The following KCNB2 variants were observed in gnomAD, a reference collection of about 807,000 sequenced individuals.
The protein encoded by KCNB2 is potassium voltage-gated channel subfamily B member 2.
A neutral mutation model predicts 61.5 loss-of-function variants in KCNB2; 15 were observed. The ratio of observed to expected loss-of-function variants is 0.24; its 90% CI spans 0.16 to 0.38. KCNB2 has a LOEUF of 0.38. Ranked by LOEUF, KCNB2 falls within the 10% of genes least tolerant of loss-of-function variation. The pLI is 1.00. For synonymous variants in KCNB2, 457 were observed against 446.0 expected (o/e 1.02, Z -0.31); for missense variants, 828 against 1,125.2 (o/e 0.74, Z 3.78).
intron 2 of KCNB2, among the ~76,000 whole-genome samples, chr8:72,639,561 C>T (rs1806021465): frequency 6.6e-6 from 1 of 152,086 alleles, no homozygotes; most frequent in South Asian, 2.1e-4. Flanking sequence ...CTGAATTACT[C>T]TCCCGGATAG....
chr8:72,891,246 G>A (rs566921837), intron 2 of KCNB2, among the ~76,000 whole-genome samples: 187 of 152,276 alleles, frequency 1.2e-3, no homozygotes, highest in African/African-American at 4.3e-3. Context: ...TGTAAAGATT[G>A]TGGTCATATA....
At chr8:72,697,596 C>A (rs945689692) in intron 2 of KCNB2, among the ~76,000 whole-genome samples, 1 of 152,066 alleles carries the variant, frequency 6.6e-6, no homozygotes, top group Non-Finnish European at 1.5e-5. Flanking sequence ...TATGATTACA[C>A]CTGTGAATAG....
At chr8:72,890,103 G>T (rs1195809570) in intron 2 of KCNB2, among the ~76,000 whole-genome samples, 1 of 152,136 alleles carries the variant, frequency 6.6e-6, no homozygotes, top group East Asian at 1.9e-4. Context: ...TGGAGAACAT[G>T]TTCTTTAATC....
intron 2 of KCNB2, among the ~76,000 whole-genome samples, chr8:72,895,730 A>G (rs981650119): frequency 3.9e-5 from 6 of 152,328 alleles, no homozygotes; most frequent in African/African-American, 1.2e-4. Flanking sequence ...ATCTTTGTCC[A>G]TAAAACCTGT....
intron 2 of KCNB2, among the ~76,000 whole-genome samples, chr8:72,918,269 A>G (rs1323846104): frequency 1.3e-5 from 2 of 152,212 alleles, no homozygotes; most frequent in Non-Finnish European, 2.9e-5. Context: ...CTAAGTCATC[A>G]TCTGTCTGTG....
At chr8:72,908,003 C>T (rs971867038) in intron 2 of KCNB2, among the ~76,000 whole-genome samples, 1 of 152,158 alleles carries the variant, frequency 6.6e-6, no homozygotes, top group African/African-American at 2.4e-5. Flanking sequence ...TCTTCTGGCA[C>T]ATCCTGAAAA....
intron 1 of KCNB2, among the ~76,000 whole-genome samples, chr8:72,544,313 G>A (rs1207927043): frequency 6.6e-6 from 1 of 152,168 alleles, no homozygotes; most frequent in African/African-American, 2.4e-5. Flanking sequence ...TGTGAAAGGT[G>A]TTTATGCCAT....
Position 72,668,809 on chromosome 8 carries a change from G to A in KCNB2, c.579+100496G>A, listed in dbSNP as rs114436604. The stretch of plus-strand genomic sequence containing the variant: ...TCCCCAACTAGATCTGAAGATCCAT[G>A]AGGACAGGGTTCATGTTATTCCTGT... On this transcript the variant is annotated intron_variant, in intron 2 of 2. Transcript: ENST00000523207. 6.2e-3 allele frequency among the ~76,000 whole-genome samples: 944 copies of A among 152,218 alleles called. 9 individuals are homozygous for A. Among genetic ancestry groups the A allele is most frequent in the African/African-American group, 0.021 (892 of 41,536 alleles).
chr8:72,912,761 C>A (rs903839401), intron 2 of KCNB2, among the ~76,000 whole-genome samples: 2 of 151,994 alleles, frequency 1.3e-5, no homozygotes, highest in Non-Finnish European at 2.9e-5. Context: ...GATTTGGACC[C>A]ACATAGCCTG....
chr8:72,724,258 T>G (rs1369320035), intron 2 of KCNB2, among the ~76,000 whole-genome samples: 1 of 152,232 alleles, frequency 6.6e-6, no homozygotes, highest in African/African-American at 2.4e-5. Flanking sequence ...AGTGAGTGGT[T>G]ATGGCCAGGA....
chr8:72,602,829 T>C (rs1805375306), intron 2 of KCNB2, among the ~76,000 whole-genome samples: 1 of 152,110 alleles, frequency 6.6e-6, no homozygotes, highest in Non-Finnish European at 1.5e-5. Context: ...TTCCATGTCA[T>C]CTCCAAGTCT....
intron 2 of KCNB2, among the ~76,000 whole-genome samples, chr8:72,921,160 CTAT>C (rs777185233): frequency 1.3e-5 from 2 of 152,074 alleles, no homozygotes; most frequent in African/African-American, 2.4e-5. Context: ...ATAATAATTA[CTAT>C]TATTATCATC....
At chr8:72,932,391 A>G (rs1031490132) in intron 2 of KCNB2, among the ~76,000 whole-genome samples, 1 of 152,100 alleles carries the variant, frequency 6.6e-6, no homozygotes. Context: ...AAATTTACCT[A>G]ATCTAAATGG....
chr8:72,766,574 G>A (rs1563378971), intron 2 of KCNB2, among the ~76,000 whole-genome samples: 1 of 152,102 alleles, frequency 6.6e-6, no homozygotes, highest in Non-Finnish European at 1.5e-5. Flanking sequence ...CTTTTTCTAA[G>A]AGCACTTTCT....
intron 2 of KCNB2, among the ~76,000 whole-genome samples, chr8:72,678,468 G>T (rs749881955): frequency 7.5e-6 from 1 of 133,780 alleles, no homozygotes; most frequent in East Asian, 2.1e-4. Flanking sequence ...CCCGACCTCC[G>T]CCCAAGCATT....
chr8:72,835,496 G>A (rs1257384341), intron 2 of KCNB2, among the ~76,000 whole-genome samples: 4 of 152,088 alleles, frequency 2.6e-5, no homozygotes, highest in African/African-American at 7.2e-5. Context: ...TAAGTGAATC[G>A]CCTCTATCTT....
chr8:72,674,041 G>A (rs560575494), intron 2 of KCNB2, among the ~76,000 whole-genome samples: 111 of 152,324 alleles, frequency 7.3e-4, no homozygotes, highest in Non-Finnish European at 1.1e-3. Context: ...CATGGTCATT[G>A]TGGGGACATT....
At chr8:72,578,325 A>G (rs1249590538) in intron 2 of KCNB2, among the ~76,000 whole-genome samples, 1 of 152,234 alleles carries the variant, frequency 6.6e-6, no homozygotes, top group Non-Finnish European at 1.5e-5. Context: ...ATAATTTGCC[A>G]TACTACAGAT....
chr8:72,934,824 GC>G (rs1049939601), intron 2 of KCNB2, among the ~76,000 whole-genome samples: 5 of 151,758 alleles, frequency 3.3e-5, no homozygotes, highest in Non-Finnish European at 7.4e-5. Context: ...CACTTCCTTT[GC>G]CTTACCCTCA....
Sources: allele counts gnomAD v4.1 joint callset (sites outside exome capture counted in the v4.1 genomes callset), GRCh38; gene constraint gnomAD v4.1.1; transcripts MANE v1.5; gene names NCBI Gene and HGNC (gene_info 2026-07-23, HGNC 2026-07-21).